The following TAOK3 variants were observed in gnomAD, a reference collection of about 807,000 sequenced individuals.
TAOK3 encodes TAO kinase 3.
A neutral mutation model predicts 120.4 loss-of-function variants in TAOK3; 40 were observed. The ratio of observed to expected loss-of-function variants is 0.33; its 90% CI spans 0.26 to 0.43. TAOK3 has a LOEUF of 0.43. TAOK3 is among the 20% of genes least tolerant of loss of function. The probability of loss-of-function intolerance (pLI) is 1.00; values close to 1 mark genes in which losing one functional copy is unlikely to be tolerated. For missense variants in TAOK3, 821 were observed against 1,112.1 expected (o/e 0.74, Z 3.72); for synonymous variants, 355 against 387.5 (o/e 0.92, Z 0.99).
At chr12:118,261,812 T>C (rs540372914) in intron 2 of TAOK3, 5 of 152,228 alleles carry the variant, frequency 3.3e-5, no homozygotes, top group Admixed American at 2.0e-4. Flanking sequence ...CTAGAACTTA[T>C]TAGTTTATTA....
chr12:118,361,099 T>G (rs2045583455), intron 1 of TAOK3, among the ~76,000 whole-genome samples: 1 of 152,204 alleles, frequency 6.6e-6, no homozygotes, highest in Non-Finnish European at 1.5e-5. Context: ...TTTGACCAAT[T>G]TTCAGGGTCA....
chr12:118,243,431 TTCAAGTAACAGCCTTTGTAC>T lies in TAOK3; in HGVS notation c.258_277del (p.Tyr87ArgfsTer17), dbSNP rs1426198920. 6.4e-7 allele frequency: 1 copy of T among 1,569,152 alleles called. No homozygotes were observed. The highest frequency in any genetic ancestry group is 8.6e-7 in the Non-Finnish European group (1 of 1,160,646). The stretch of plus-strand genomic sequence containing the variant: ...TCGACTTACCCAAGCAGTGTGTTCT[TTCAAGTAACAGCCTTTGTAC>T]TCAATAGTATTAGGATGCTTCAATT... On this transcript the variant is annotated frameshift_variant, in exon 5 of 21. Transcript: ENST00000392533. LOFTEE classifies it high-confidence loss of function.
At chr12:118,188,526 GTTTAAATTAAATTGCTTGCT>G in intron 14 of TAOK3, among the ~76,000 whole-genome samples, 1 of 152,200 alleles carries the variant, frequency 6.6e-6, no homozygotes, top group Non-Finnish European at 1.5e-5. Context: ...TTTATAAGCA[GTTTAAATTAAATTGCTTGCT>G]TTTAGACAGC....
chr12:118,369,458 G>A (rs1263460234), intron 1 of TAOK3, among the ~76,000 whole-genome samples: 1 of 152,082 alleles, frequency 6.6e-6, no homozygotes, highest in African/African-American at 2.4e-5. Flanking sequence ...ATCACTTAGG[G>A]GAGTATCAGA....
At chr12:118,173,370 G>C (rs1221340938) in intron 16 of TAOK3, among the ~76,000 whole-genome samples, 2 of 152,286 alleles carry the variant, frequency 1.3e-5, no homozygotes, top group East Asian at 3.9e-4. Context: ...AGGAGAAATG[G>C]ATTTCATGCA....
intron 7 of TAOK3, 67 bp downstream of exon 7, chr12:118,238,006 A>G: frequency 9.1e-7 from 1 of 1,094,224 alleles, no homozygotes. Context: ...GCATGCACTA[A>G]TTTTCAAGGT....
chr12:118,345,436 G>A (rs778205722), intron 1 of TAOK3, among the ~76,000 whole-genome samples: 4 of 152,158 alleles, frequency 2.6e-5, no homozygotes, highest in Non-Finnish European at 5.9e-5. Context: ...GAACAGGCAG[G>A]AATAGAAGAG....
Position 118,181,439 on chromosome 12 carries a change from G to A in TAOK3, c.1498C>T (p.His500Tyr). The stretch of plus-strand genomic sequence containing the variant: ...AGCTCGATGGACGAGTTGTTGGCAT[G>A]CGTCTCCACCTCCTTCTGTAGCTTG... ...RLKLQKEVETHANNSSIELEK... is the reference protein window; with the variant it reads ...RLKLQKEVETYANNSSIELEK... Residue 500 changes from histidine to tyrosine, a missense_variant, in exon 15 of 21, where the codon CAT (histidine) becomes TAT (tyrosine). Physicochemically the swap from His to Tyr is moderately conservative, Grantham distance 83. This residue lies in a region of TAOK3 where 354 missense variants were observed against 572.1 expected (regional missense o/e 0.62). Coordinates refer to ENST00000392533, the MANE Select transcript of TAOK3 (RefSeq NM_016281.4). 1 of 1,614,192 alleles carries A rather than the reference G, an allele frequency of 6.2e-7. No homozygotes were observed.
rs199813217 is a variant in TAOK3, at chr12:118,160,139, C to A, written c.2352+7G>T. The A allele has an allele frequency of 1.2e-6, 2 of 1,611,880 alleles. No homozygotes were observed. The highest frequency in any genetic ancestry group is 1.7e-6 in the Non-Finnish European group (2 of 1,177,954). ...TCGAAGCCGTGGCACCAAACCTAAC[C>A]ACTTACCGCTTGAGAGGCCATCATT... On this transcript the variant is annotated splice_region_variant and intron_variant, in intron 19 of 20. Transcript: ENST00000392533. This position sits in a 1 kb window ranked among gnomAD's most constrained non-coding sequence, Gnocchi z 4.2.
At chr12:118,348,784 G>T (rs1191189625) in intron 1 of TAOK3, among the ~76,000 whole-genome samples, 2 of 150,200 alleles carry the variant, frequency 1.3e-5, no homozygotes, top group African/African-American at 4.9e-5. Flanking sequence ...TATGGGATAA[G>T]AATTAGCTAA....
At chr12:118,343,677 T>G (rs933760675) in intron 1 of TAOK3, among the ~76,000 whole-genome samples, 2 of 152,126 alleles carry the variant, frequency 1.3e-5, no homozygotes, top group African/African-American at 2.4e-5. Context: ...AATATGAGAA[T>G]TTTTGAGATT....
chr12:118,274,510 A>G (rs1330057915), intron 1 of TAOK3, among the ~76,000 whole-genome samples: 3 of 152,188 alleles, frequency 2.0e-5, no homozygotes. Flanking sequence ...CAAAAGCAAA[A>G]ATATCAATTA....
intron 1 of TAOK3, among the ~76,000 whole-genome samples, chr12:118,272,291 C>CAAAAAAAAAA (rs773516018): frequency 1.6e-5 from 1 of 64,178 alleles, no homozygotes; most frequent in Non-Finnish European, 3.2e-5. Flanking sequence ...GACTCCATCT[C>CAAAAAAAAAA]AAAAAAAAAA....
chr12:118,338,123 T>G (rs983260336), intron 1 of TAOK3, among the ~76,000 whole-genome samples: 3 of 152,240 alleles, frequency 2.0e-5, no homozygotes, highest in Non-Finnish European at 4.4e-5. Context: ...TATTCATCAT[T>G]CACTTCTTTA....
intron 11 of TAOK3, among the ~76,000 whole-genome samples, chr12:118,211,851 T>G (rs1796588238): frequency 6.6e-6 from 1 of 152,158 alleles, no homozygotes; most frequent in African/African-American, 2.4e-5. Flanking sequence ...TTTAAGATCT[T>G]TGTGTACTTC....
chr12:118,304,067 T>C (rs1020638853), intron 1 of TAOK3, among the ~76,000 whole-genome samples: 2 of 152,228 alleles, frequency 1.3e-5, no homozygotes, highest in African/African-American at 4.8e-5. Flanking sequence ...TCTGGCACTG[T>C]TTCAGTGAAG....
At chr12:118,346,488 TG>T (rs557220121) in intron 1 of TAOK3, among the ~76,000 whole-genome samples, 151 of 152,350 alleles carry the variant, frequency 9.9e-4, no homozygotes, top group African/African-American at 3.6e-3. Flanking sequence ...AATATTGTTT[TG>T]GGGCATCTTT....
chr12:118,325,213 G>C (rs1015720234), intron 1 of TAOK3, among the ~76,000 whole-genome samples: 36 of 152,152 alleles, frequency 2.4e-4, no homozygotes, highest in African/African-American at 8.4e-4. Flanking sequence ...TCTGATTACT[G>C]ATTTCCTTTC....
At position 118,199,065 on chromosome 12, in the gene TAOK3, C is replaced by T. The variant is rs199918229; in HGVS notation, c.1180G>A (p.Val394Ile). 36 of 1,614,156 alleles carry T rather than the reference C, an allele frequency of 2.2e-5. No individual in the cohort carries two copies. Among genetic ancestry groups the T allele is most frequent in the South Asian group, 3.3e-5 (3 of 91,080 alleles). ...AAGAAACCTACTTTCTTATGCACGA[C>T]GGAGGAGCTGGAATTGATTGTGCTT... is the stretch of plus-strand genomic sequence containing the variant. The part of the protein sequence containing the change: ...DESTINSSSS[V>I]VHKKDHVFIR... Residue 394 changes from valine (V) to isoleucine (I), a missense_variant, in exon 13 of 21, where the codon GTC becomes ATC. Physicochemically the swap from Val to Ile is conservative, Grantham distance 29 (BLOSUM62 3). This residue lies in a region of TAOK3 where 467 missense variants were observed against 540.0 expected (regional missense o/e 0.86). Coordinates refer to ENST00000392533, the MANE Select transcript of TAOK3 (RefSeq NM_016281.4).
Sources: allele counts gnomAD v4.1 joint callset (sites outside exome capture counted in the v4.1 genomes callset), GRCh38; gene constraint gnomAD v4.1.1; regional missense constraint gnomAD v4.1.1; non-coding constraint Gnocchi (gnomAD v3.1); transcripts MANE v1.5; gene names NCBI Gene and HGNC (gene_info 2026-07-23, HGNC 2026-07-21).